Variants in CIT observed in about 807,000 individuals in gnomAD.
CIT encodes citron Rho-interacting kinase.
In CIT, 79 loss-of-function variants were observed where a neutral mutation model predicts 272.7. The observed-to-expected ratio is 0.29, with a 90% CI of 0.24 to 0.35. The LOEUF (loss-of-function observed/expected upper bound fraction) is 0.35. Ranked by LOEUF, CIT falls within the 10% of genes least tolerant of loss-of-function variation. The probability of loss-of-function intolerance (pLI) is 1.00; values close to 1 mark genes in which losing one functional copy is unlikely to be tolerated. For missense variants in CIT, 1,909 were observed against 2,618.3 expected (o/e 0.73, Z 5.91); for synonymous variants, 948 against 995.6 (o/e 0.95, Z 0.90).
At chr12:119,689,962 A>G (rs906521134) in intron 47 of CIT, among the ~76,000 whole-genome samples, 189 bp downstream of exon 47, 41 of 152,148 alleles carry the variant, frequency 2.7e-4, no homozygotes, top group African/African-American at 3.1e-4. Context: ...TGCAGGCGTG[A>G]GCCACCACGC....
At chr12:119,751,434 C>A (rs1181917056) in intron 23 of CIT, among the ~76,000 whole-genome samples, 1 of 151,552 alleles carries the variant, frequency 6.6e-6, no homozygotes, top group Non-Finnish European at 1.5e-5. Context: ...TCCAGTAACA[C>A]CCCCGCTCCA....
chr12:119,830,968 C>T (rs183020609), intron 7 of CIT, among the ~76,000 whole-genome samples: 329 of 152,310 alleles, frequency 2.2e-3, no homozygotes, highest in African/African-American at 6.9e-3. Flanking sequence ...TTCGCTCCAG[C>T]GATCCTACTG....
At chr12:119,746,886 TTA>T (rs1288458245) in intron 23 of CIT, among the ~76,000 whole-genome samples, 2 of 152,204 alleles carry the variant, frequency 1.3e-5, no homozygotes, top group Non-Finnish European at 2.9e-5. Flanking sequence ...GTCATATGCT[TTA>T]TGTTTTTTGA....
Position 119,718,548 on chromosome 12 carries a change from G to A in CIT, c.4004-139C>T, listed in dbSNP as rs1957663854. ...CACATCAACTTGGCAATGCACAGGGGCCATACGTTTTTCAGACATGGGATG... is the reference window on the plus strand; with the variant it reads ...CACATCAACTTGGCAATGCACAGGGACCATACGTTTTTCAGACATGGGATG... On this transcript the variant is annotated intron_variant, in intron 31 of 47. Transcript: ENST00000392521. The surrounding 1 kb of genome is among the most constrained non-coding windows in gnomAD (Gnocchi z 4.8). 3 of 1,391,348 alleles carry A rather than the reference G, an allele frequency of 2.2e-6. No homozygotes were observed. The highest frequency in any genetic ancestry group is 9.9e-7 in the Non-Finnish European group (1 of 1,012,614). 86.2% of individuals were successfully genotyped at this position (1,391,348 alleles called of 1,614,324 possible). A position where few individuals can be genotyped will look rare whatever the true frequency, so the allele number is the denominator to read the frequency against.
intron 13 of CIT, 89 bp downstream of exon 13, chr12:119,782,429 T>C: frequency 6.8e-7 from 1 of 1,472,804 alleles, no homozygotes; most frequent in Non-Finnish European, 9.3e-7. Context: ...TCTCCCTTTC[T>C]TCCTATTTCT....
intron 6 of CIT, among the ~76,000 whole-genome samples, 174 bp from the exon 7 acceptor site, chr12:119,833,038 A>C (rs1035908788): frequency 5.3e-5 from 8 of 152,134 alleles, no homozygotes; most frequent in East Asian, 1.9e-4. Context: ...TTTAACCGAA[A>C]GGAAGGAAGG....
At chr12:119,689,198 C>T (rs918180309) in intron 47 of CIT, among the ~76,000 whole-genome samples, 2 of 144,504 alleles carry the variant, frequency 1.4e-5, no homozygotes, top group African/African-American at 5.1e-5. Context: ...ACAAAACAAA[C>T]AAACAAACAA....
intron 2 of CIT, among the ~76,000 whole-genome samples, chr12:119,872,884 C>T (rs544814379): frequency 6.6e-6 from 1 of 152,294 alleles, no homozygotes; most frequent in Non-Finnish European, 1.5e-5. Context: ...ACAACCTCTG[C>T]CTCCGGGGCC....
chr12:119,760,351 G>A (rs983372357), intron 20 of CIT, among the ~76,000 whole-genome samples: 1 of 151,652 alleles, frequency 6.6e-6, no homozygotes, highest in East Asian at 1.9e-4. Context: ...AGAAGTGTAG[G>A]GCCAGGAGTG....
chr12:119,735,497 G>A, intron 24 of CIT, 140 bp from the exon 25 acceptor site: 2 of 752,150 alleles, frequency 2.7e-6, no homozygotes, highest in South Asian at 3.5e-5. Context: ...CTGACCGTGA[G>A]AGCCATGTCC....
At chr12:119,758,484 A>G in intron 21 of CIT, 107 bp downstream of exon 21, 1 of 723,744 alleles carries the variant, frequency 1.4e-6, no homozygotes, top group Non-Finnish European at 2.5e-6. Flanking sequence ...GAGCTACAGA[A>G]GTCATTCAAT....
Position 119,808,039 on chromosome 12 carries a change from T to A in CIT, c.1112-4650A>T, listed in dbSNP as rs74653672. ...AGGTTGTTTTTTGTTTTTGTTTTTG[T>A]TTTTGTTTCAGTTATAAAATAGATA... On this transcript the variant is annotated intron_variant, in intron 9 of 47. Coordinates refer to ENST00000392521, the MANE Select transcript of CIT (RefSeq NM_001206999.2). 1.7e-4 allele frequency among the ~76,000 whole-genome samples: 26 copies of A among 152,312 alleles called. No individual in the cohort carries two copies. In the East Asian group the frequency reaches 4.6e-3, roughly 27 times the overall value.
chr12:119,710,437 G>A lies in CIT; in HGVS notation c.4936-51C>T, dbSNP rs766105259. 1.2e-6 allele frequency: 2 copies of A among 1,613,326 alleles called. No individual in the cohort carries two copies. Among genetic ancestry groups the A allele is most frequent in the Non-Finnish European group, 1.7e-6 (2 of 1,179,524 alleles). On this transcript the variant is annotated intron_variant, in intron 38 of 47. Transcript: ENST00000392521. This position sits in a 1 kb window ranked among gnomAD's most constrained non-coding sequence, Gnocchi z 5.6. ...GAACATAAGCACGGTCACGTCACCA[G>A]AACAATCTCTAGTAAGAGCAACAAG...
At chr12:119,832,151 T>C (rs1466251967) in intron 7 of CIT, among the ~76,000 whole-genome samples, 4 of 152,360 alleles carry the variant, frequency 2.6e-5, no homozygotes, top group Non-Finnish European at 5.9e-5. Context: ...ATTCATATTT[T>C]AGTACATACC....
rs1471539363 is a variant in CIT, at chr12:119,718,450, C to T, written c.4004-41G>A. On this transcript the variant is annotated intron_variant, in intron 31 of 47. Transcript: ENST00000392521. The surrounding 1 kb of genome is among the most constrained non-coding windows in gnomAD (Gnocchi z 4.8). ...GACAATGCCTTTTGGTTAGCTGGGT[C>T]GCCTAGAGGACCAAACTAAGCCGAA... is the stretch of plus-strand genomic sequence containing the variant. The T allele has an allele frequency of 1.8e-5, 28 of 1,571,750 alleles. No homozygotes were observed. Among genetic ancestry groups the T allele is most frequent in the South Asian group, 2.4e-5 (2 of 84,742 alleles).
At chr12:119,820,841 A>T (rs1967643896) in intron 9 of CIT, among the ~76,000 whole-genome samples, 1 of 151,950 alleles carries the variant, frequency 6.6e-6, no homozygotes, top group Admixed American at 6.6e-5. Context: ...GTGATGGCAC[A>T]CACCTGTAGT....
intron 2 of CIT, among the ~76,000 whole-genome samples, chr12:119,869,682 T>C (rs1950611944): frequency 6.6e-6 from 1 of 152,136 alleles, no homozygotes; most frequent in Non-Finnish European, 1.5e-5. Flanking sequence ...TTACTCATGA[T>C]CTGGAGAAAT....
At chr12:119,796,450 G>C (rs1965736401) in intron 10 of CIT, among the ~76,000 whole-genome samples, 1 of 152,180 alleles carries the variant, frequency 6.6e-6, no homozygotes, top group East Asian at 1.9e-4. Flanking sequence ...TGGCGGGGGA[G>C]GCAGAAAAGA....
chr12:119,710,474 C>T lies in CIT; in HGVS notation c.4935+66G>A, dbSNP rs1172886533. 1.2e-6 allele frequency: 2 copies of T among 1,612,822 alleles called. No homozygotes were observed. Among genetic ancestry groups the T allele is most frequent in the African/African-American group, 1.3e-5 (1 of 74,888 alleles). The stretch of plus-strand genomic sequence containing the variant: ...GTAAGAGCAACAAGGCCTCCACAGC[C>T]CTTTCTTTCTTGATGGGGTGTGGCT... On this transcript the variant is annotated intron_variant, in intron 38 of 47. Transcript: ENST00000392521. The surrounding 1 kb of genome is among the most constrained non-coding windows in gnomAD (Gnocchi z 5.6).
Sources: allele counts gnomAD v4.1 joint callset (sites outside exome capture counted in the v4.1 genomes callset), GRCh38; gene constraint gnomAD v4.1.1; non-coding constraint Gnocchi (gnomAD v3.1); transcripts MANE v1.5; gene names NCBI Gene and HGNC (gene_info 2026-07-23, HGNC 2026-07-21).